The following CAST variants were observed in gnomAD, a reference collection of about 807,000 sequenced individuals.
CAST encodes the protein MIR583 host.
In CAST, 76 loss-of-function variants were observed where a neutral mutation model predicts 119.6. The ratio of observed to expected loss-of-function variants is 0.64; its 90% CI spans 0.53 to 0.77. The LOEUF is 0.77. Ranked by LOEUF, CAST falls within the 30% of genes least tolerant of loss-of-function variation. CAST has a pLI of 0.00. For synonymous variants in CAST, 319 were observed against 331.6 expected (o/e 0.96, Z 0.41); for missense variants, 953 against 946.5 (o/e 1.01, Z -0.09).
chr5:96,750,620 G>C lies in CAST; in HGVS notation c.1462G>C (p.Glu488Gln), dbSNP rs1407299667. 6.2e-7 allele frequency: 1 copy of C among 1,613,198 alleles called. No individual in the cohort carries two copies. Among genetic ancestry groups the C allele is most frequent in the Non-Finnish European group, 8.5e-7 (1 of 1,179,512 alleles). Reference protein sequence around the residue: ...SKAAAPAPVSEAVCRTSMCSI... With the variant: ...SKAAAPAPVSQAVCRTSMCSI... ...GGCCGCTGCTCCAGCTCCTGTGTCG[G>C]AGGCTGTGTGTCGGACCTCCATGTG... Residue 488 changes from glutamate (E) to glutamine (Q), a missense_variant, in exon 20 of 32, where the codon GAG becomes CAG. Glu to Gln is a conservative substitution (Grantham distance 29). Transcript: ENST00000675179.
chr5:96,765,108 C>G (rs1769384913), intron 25 of CAST, 113 bp from the exon 26 acceptor site: 1 of 694,960 alleles, frequency 1.4e-6, no homozygotes, highest in African/African-American at 1.8e-5. Context: ...CCCCAGATGT[C>G]TTTTTCTTCC....
Position 96,741,370 on chromosome 5 carries a change from A to C in CAST, c.1011+12A>C. The C allele has an allele frequency of 6.4e-7, 1 of 1,572,116 alleles. No homozygotes were observed. The highest frequency in any genetic ancestry group is 8.8e-7 in the Non-Finnish European group (1 of 1,142,030). Reference sequence around the variant, plus strand: ...AAACTGAAAAAGAGGTATTGTTTTTAGTGTTGTTAAGGGAAACTTGTTAGG... The same window carrying C: ...AAACTGAAAAAGAGGTATTGTTTTTCGTGTTGTTAAGGGAAACTTGTTAGG... On this transcript the variant is annotated intron_variant, in intron 14 of 31. Transcript: ENST00000675179.
At chr5:96,320,042 G>A in the CAST span, among the ~76,000 whole-genome samples, 1 of 151,272 alleles carries the variant, frequency 6.6e-6, no homozygotes, top group Non-Finnish European at 1.5e-5. Flanking sequence ...CCTCATAGCA[G>A]AGATCTGTTG....
At chr5:96,427,617 A>G in the CAST span, among the ~76,000 whole-genome samples, 1 of 152,110 alleles carries the variant, frequency 6.6e-6, no homozygotes, top group Non-Finnish European at 1.5e-5. Context: ...TCAGCTATCA[A>G]GGGGATGTAT....
chr5:96,305,658 A>G, the CAST span, among the ~76,000 whole-genome samples: 6 of 152,328 alleles, frequency 3.9e-5, no homozygotes, highest in Middle Eastern at 3.4e-3. Flanking sequence ...AGTTTTTAGC[A>G]TAAAAGGCTG....
At chr5:96,051,297 A>G in the CAST span, among the ~76,000 whole-genome samples, 2 of 152,144 alleles carry the variant, frequency 1.3e-5, no homozygotes, top group African/African-American at 2.4e-5. Flanking sequence ...TTAAACAACA[A>G]TATATGTGGG....
the CAST span, among the ~76,000 whole-genome samples, chr5:96,336,431 A>G: frequency 7.2e-5 from 11 of 152,368 alleles, no homozygotes; most frequent in South Asian, 2.3e-3. Context: ...TTCTTCTCCA[A>G]CGCAGCCAAA....
chr5:95,961,505 C>T, the CAST span: 1 of 1,374,126 alleles, frequency 7.3e-7, no homozygotes, highest in Non-Finnish European at 9.4e-7. Context: ...GGCCCCGCAC[C>T]CGGGCGCGGC....
chr5:96,617,748 C>A (rs1747493810), intron 1 of CAST, among the ~76,000 whole-genome samples: 1 of 118,374 alleles, frequency 8.4e-6, no homozygotes, highest in African/African-American at 3.2e-5. Context: ...GCCAAGATCA[C>A]ACCACTGCAC....
At chr5:96,591,340 G>C (rs937204085) in intron 1 of CAST, among the ~76,000 whole-genome samples, 2 of 152,186 alleles carry the variant, frequency 1.3e-5, no homozygotes, top group African/African-American at 4.8e-5. Context: ...GGTTATTTTA[G>C]ATAAAGCTTG....
the CAST span, among the ~76,000 whole-genome samples, chr5:96,415,130 T>G: frequency 6.6e-6 from 1 of 152,138 alleles, no homozygotes; most frequent in African/African-American, 2.4e-5. Flanking sequence ...GGAGAGACAG[T>G]TTTTTCTTTT....
the CAST span, among the ~76,000 whole-genome samples, chr5:95,990,860 A>G: frequency 8.5e-4 from 130 of 152,140 alleles, no homozygotes; most frequent in African/African-American, 2.9e-3. Context: ...CACCTCAGCC[A>G]CCCAAAGCAC....
chr5:96,488,141 T>C, the CAST span, among the ~76,000 whole-genome samples: 1 of 152,206 alleles, frequency 6.6e-6, no homozygotes. Flanking sequence ...AACAAGTCCT[T>C]AGAGAAAAGT....
chr5:96,298,746 C>T, the CAST span, among the ~76,000 whole-genome samples: 2 of 151,994 alleles, frequency 1.3e-5, no homozygotes, highest in Non-Finnish European at 2.9e-5. Context: ...CCTTTTCCAT[C>T]GAAATTGAAA....
the CAST span, among the ~76,000 whole-genome samples, chr5:96,218,813 G>T: frequency 2.0e-5 from 3 of 152,220 alleles, no homozygotes; most frequent in Non-Finnish European, 4.4e-5. Flanking sequence ...CTAGAGAGAG[G>T]CACAGCAGGC....
chr5:96,295,309 G>A, the CAST span, among the ~76,000 whole-genome samples: 2 of 152,190 alleles, frequency 1.3e-5, no homozygotes, highest in East Asian at 3.9e-4. Flanking sequence ...AGACATGCTT[G>A]ACTTTGGTCC....
chr5:96,563,291 T>C (rs545854110), intron 1 of CAST, among the ~76,000 whole-genome samples: 1 of 152,294 alleles, frequency 6.6e-6, no homozygotes, highest in Non-Finnish European at 1.5e-5. Flanking sequence ...ATTAAATACA[T>C]GTGTATTATT....
At chr5:96,583,494 A>T (rs1746801500) in intron 1 of CAST, among the ~76,000 whole-genome samples, 1 of 152,208 alleles carries the variant, frequency 6.6e-6, no homozygotes, top group African/African-American at 2.4e-5. Context: ...TAACATGGGC[A>T]CAATTTCGAA....
the CAST span, chr5:96,215,586 ATT>A: frequency 6.6e-6 from 1 of 151,918 alleles, no homozygotes; most frequent in Non-Finnish European, 1.5e-5. Flanking sequence ...TTATACATGG[ATT>A]TTTTTCTAAT....
Sources: allele counts gnomAD v4.1 joint callset (sites outside exome capture counted in the v4.1 genomes callset), GRCh38; gene constraint gnomAD v4.1.1; transcripts MANE v1.5; gene names NCBI Gene and HGNC (gene_info 2026-07-23, HGNC 2026-07-21).